The following CUX2 variants were observed in gnomAD, a reference collection of about 807,000 sequenced individuals.
The protein encoded by CUX2 is homeobox protein cut-like 2.
Under a neutral mutation model 144.8 loss-of-function variants are expected in CUX2, and 40 were observed. The observed-to-expected ratio is 0.28, with a 90% CI of 0.21 to 0.36. CUX2 has a LOEUF of 0.36. CUX2 is among the 10% of genes least tolerant of loss of function. The pLI is 1.00. For synonymous variants in CUX2, 827 were observed against 875.6 expected (o/e 0.94, Z 0.98); for missense variants, 1,615 against 1,994.0 (o/e 0.81, Z 3.62).
At chr12:111,229,557 T>G (rs1335387693) in intron 3 of CUX2, among the ~76,000 whole-genome samples, 1 of 152,124 alleles carries the variant, frequency 6.6e-6, no homozygotes, top group East Asian at 1.9e-4. Flanking sequence ...AACATCCACC[T>G]TGTTTATCCT....
rs1028337902 is a variant in CUX2, at chr12:111,034,840, C to T, written c.63+600C>T. Reference sequence around the variant, plus strand: ...TCGCCGCCCGCCTGGCTGCGCAGCCCGGACGCGCCGCCACCCGGGGGCCGC... The same window carrying T: ...TCGCCGCCCGCCTGGCTGCGCAGCCTGGACGCGCCGCCACCCGGGGGCCGC... On this transcript the variant is annotated intron_variant, in intron 1 of 21. Coordinates refer to ENST00000261726, the MANE Select transcript of CUX2 (RefSeq NM_015267.4). This position sits in a 1 kb window ranked among gnomAD's most constrained non-coding sequence, Gnocchi z 4.2. 1.3e-5 allele frequency among the ~76,000 whole-genome samples: 2 copies of T among 148,866 alleles called. No homozygotes were observed. The highest frequency in any genetic ancestry group is 3.0e-5 in the Non-Finnish European group (2 of 66,756).
At chr12:111,218,053 C>CT in intron 3 of CUX2, 116 bp downstream of exon 3, 1 of 1,026,184 alleles carries the variant, frequency 9.7e-7, no homozygotes, top group South Asian at 1.3e-5. Flanking sequence ...AGAAGCTTCC[C>CT]TGTCCCCATT....
chr12:111,167,726 G>T (rs1458599088), intron 1 of CUX2, among the ~76,000 whole-genome samples: 1 of 151,948 alleles, frequency 6.6e-6, no homozygotes, highest in Non-Finnish European at 1.5e-5. Flanking sequence ...ATGGAGTCTT[G>T]CTCTGTTGCC....
At chr12:111,054,767 C>A (rs1051556013) in intron 1 of CUX2, among the ~76,000 whole-genome samples, 8 of 152,158 alleles carry the variant, frequency 5.3e-5, no homozygotes, top group Non-Finnish European at 1.0e-4. Context: ...GCTAGGATTA[C>A]AGGCGCACAC....
chr12:111,218,191 G>C (rs1440602967), intron 3 of CUX2, among the ~76,000 whole-genome samples: 1 of 152,162 alleles, frequency 6.6e-6, no homozygotes, highest in African/African-American at 2.4e-5. Context: ...ACTTTGCCCA[G>C]CCTTACAATG....
At chr12:111,308,385 C>T in intron 13 of CUX2, 42 bp from the exon 14 acceptor site, 1 of 1,613,984 alleles carries the variant, frequency 6.2e-7, no homozygotes, top group Non-Finnish European at 8.5e-7. Flanking sequence ...AGTGAGCCTT[C>T]CGCCCACCAG....
At chr12:111,228,401 C>A (rs1407243681) in intron 3 of CUX2, among the ~76,000 whole-genome samples, 2 of 152,194 alleles carry the variant, frequency 1.3e-5, no homozygotes, top group East Asian at 3.9e-4. Context: ...GGTTTCACAT[C>A]CAGTGAAAAC....
intron 1 of CUX2, among the ~76,000 whole-genome samples, chr12:111,180,925 G>A (rs997878138): frequency 1.3e-5 from 2 of 152,224 alleles, no homozygotes; most frequent in African/African-American, 4.8e-5. Context: ...AATGCTTAGA[G>A]GGAATAAACA....
intron 1 of CUX2, among the ~76,000 whole-genome samples, chr12:111,181,754 T>C (rs937202346): frequency 2.0e-5 from 3 of 152,240 alleles, no homozygotes; most frequent in Non-Finnish European, 2.9e-5. Context: ...AAAGATTCTG[T>C]TCTCTCAGCA....
In CUX2 at chr12:111,312,490, C is replaced by A. The variant is rs1251473469; in HGVS notation, c.2002+289C>A. Reference sequence around the variant, plus strand: ...CCAAGGCAGGCTGATCACCTGAGATCAGGAGTTCGAGACCAGCCTGGCCAA... The same window carrying A: ...CCAAGGCAGGCTGATCACCTGAGATAAGGAGTTCGAGACCAGCCTGGCCAA... On this transcript the variant is annotated intron_variant, in intron 16 of 21. Coordinates refer to ENST00000261726, the MANE Select transcript of CUX2 (RefSeq NM_015267.4). This position sits in a 1 kb window ranked among gnomAD's most constrained non-coding sequence, Gnocchi z 4.3. Among the ~76,000 whole-genome samples, 2 of 152,184 alleles carry A rather than the reference C, an allele frequency of 1.3e-5. No individual in the cohort carries two copies. The highest frequency in any genetic ancestry group is 2.9e-5 in the Non-Finnish European group (2 of 68,028).
chr12:111,260,440 G>C (rs1884057328), intron 3 of CUX2, among the ~76,000 whole-genome samples: 1 of 152,036 alleles, frequency 6.6e-6, no homozygotes, highest in Non-Finnish European at 1.5e-5. Context: ...CTCCAGCCTG[G>C]GCTACAGAGC....
intron 1 of CUX2, among the ~76,000 whole-genome samples, chr12:111,088,173 G>A (rs867879078): frequency 1.3e-5 from 2 of 152,186 alleles, no homozygotes; most frequent in African/African-American, 4.8e-5. Flanking sequence ...AGGGCAGCAC[G>A]AAGGCCTGGG....
intron 3 of CUX2, among the ~76,000 whole-genome samples, chr12:111,220,999 G>A (rs1259967669): frequency 1.3e-5 from 2 of 150,004 alleles, no homozygotes; most frequent in Non-Finnish European, 3.0e-5. Context: ...CATGGAGGCA[G>A]TCCCAGGGTC....
chr12:111,262,566 A>G (rs1884180202), intron 3 of CUX2, among the ~76,000 whole-genome samples: 1 of 151,872 alleles, frequency 6.6e-6, no homozygotes, highest in Non-Finnish European at 1.5e-5. Context: ...TTTTGTAGAA[A>G]CAGGGTCTCA....
At chr12:111,243,105 G>A (rs1263839517) in intron 3 of CUX2, among the ~76,000 whole-genome samples, 83 of 152,066 alleles carry the variant, frequency 5.5e-4, no homozygotes, top group Admixed American at 5.4e-3. Flanking sequence ...GTCTATCATT[G>A]ATGGGCATTT....
rs1886936028 is a variant in CUX2 at position 111,312,097 on chromosome 12, C to T, written c.1901-3C>T. ...TGCCACAGATGCCTTCTTGCCTCCCCAGGCAGCATCACCCCGAGAATCCGC... is the reference window on the plus strand; with the variant it reads ...TGCCACAGATGCCTTCTTGCCTCCCTAGGCAGCATCACCCCGAGAATCCGC... On this transcript the variant is annotated splice_polypyrimidine_tract_variant and splice_region_variant and intron_variant, in intron 15 of 21. Transcript: ENST00000261726. The surrounding 1 kb of genome is among the most constrained non-coding windows in gnomAD (Gnocchi z 4.3). 3 of 1,607,548 alleles carry T rather than the reference C, an allele frequency of 1.9e-6. No homozygotes were observed. Among genetic ancestry groups the T allele is most frequent in the Non-Finnish European group, 2.6e-6 (3 of 1,175,170 alleles).
intron 5 of CUX2, 76 bp downstream of exon 5, chr12:111,291,628 C>G: frequency 1.4e-6 from 2 of 1,444,870 alleles, no homozygotes; most frequent in East Asian, 5.3e-5. Flanking sequence ...CTCAGCCAGC[C>G]TTGTTGCGGG....
chr12:111,343,648 C>T (rs981973295), intron 21 of CUX2, among the ~76,000 whole-genome samples: 1 of 152,202 alleles, frequency 6.6e-6, no homozygotes, highest in African/African-American at 2.4e-5. Context: ...CCAATCCCCC[C>T]ACAAGTCATT....
intron 3 of CUX2, among the ~76,000 whole-genome samples, chr12:111,228,434 A>G (rs1882292336): frequency 6.6e-6 from 1 of 151,794 alleles, no homozygotes; most frequent in Non-Finnish European, 1.5e-5. Context: ...GTGTGTGTAT[A>G]ATTTCCTGAG....
Sources: gnomAD v4.1 joint callset for allele counts (sites outside exome capture counted in the v4.1 genomes callset) on GRCh38, gnomAD v4.1.1 for gene constraint, Gnocchi (gnomAD v3.1) non-coding constraint, MANE v1.5 for transcripts, NCBI Gene and HGNC (gene_info 2026-07-23, HGNC 2026-07-21) for gene names.